TAOK1: variants seen among roughly 807,000 people sequenced by gnomAD.
The protein encoded by TAOK1 is TAO kinase 1, also known as serine/threonine-protein kinase TAO1.
Under a neutral mutation model 138.3 loss-of-function variants are expected in TAOK1, and 21 were observed. That is an observed-to-expected ratio of 0.15 (90% CI 0.11 to 0.22). The LOEUF (loss-of-function observed/expected upper bound fraction) is 0.22, where lower values mean the gene tolerates loss of function less well. Ranked by LOEUF, TAOK1 falls within the 10% of genes least tolerant of loss-of-function variation. TAOK1 has a pLI of 1.00. For synonymous variants in TAOK1, 361 were observed against 398.4 expected (o/e 0.91, Z 1.12); for missense variants, 651 against 1,227.7 (o/e 0.53, Z 7.02).
intron 17 of TAOK1, among the ~76,000 whole-genome samples, chr17:29,526,813 A>C (rs1420886212): frequency 8.8e-6 from 1 of 113,866 alleles, no homozygotes; most frequent in Non-Finnish European, 1.8e-5. Context: ...GGGAGATCTC[A>C]TCTCTTAAAA....
intron 18 of TAOK1, among the ~76,000 whole-genome samples, chr17:29,532,931 T>C (rs1357934516): frequency 4.3e-4 from 37 of 85,452 alleles, no homozygotes; most frequent in South Asian, 8.3e-4. Flanking sequence ...GCTGGCCGGG[T>C]GGGGGGCTGA....
intron 1 of TAOK1, among the ~76,000 whole-genome samples, chr17:29,395,823 AAT>A (rs1491389938): frequency 4.6e-5 from 4 of 86,736 alleles, no homozygotes; most frequent in African/African-American, 2.6e-4. Flanking sequence ...ACGTCTGGCT[AAT>A]TTTTTTTTTT....
intron 10 of TAOK1, among the ~76,000 whole-genome samples, chr17:29,495,057 A>G (rs1321580951): frequency 6.6e-6 from 1 of 152,154 alleles, no homozygotes; most frequent in African/African-American, 2.4e-5. Flanking sequence ...GCTAGTAATA[A>G]AAAAGTAATA....
At chr17:29,515,118 C>T (rs2031793078) in intron 15 of TAOK1, 1 of 149,712 alleles carries the variant, frequency 6.7e-6, no homozygotes, top group Non-Finnish European at 1.5e-5. Context: ...GTATGTAAAA[C>T]AATGTGGAAA....
intron 3 of TAOK1, among the ~76,000 whole-genome samples, chr17:29,471,276 C>CTTTTTTTTT (rs759764241): frequency 2.4e-5 from 2 of 81,846 alleles, no homozygotes; most frequent in Non-Finnish European, 4.4e-5. Flanking sequence ...TATTTTCTTT[C>CTTTTTTTTT]TTTTTTTTTT....
chr17:29,433,631 T>G (rs1463640160), intron 1 of TAOK1, among the ~76,000 whole-genome samples: 1 of 151,934 alleles, frequency 6.6e-6, no homozygotes, highest in African/African-American at 2.4e-5. Flanking sequence ...ATAGGGATAC[T>G]CCACAAGGCC....
At chr17:29,539,883 A>G (rs1408940356) in intron 19 of TAOK1, among the ~76,000 whole-genome samples, 3 of 152,214 alleles carry the variant, frequency 2.0e-5, no homozygotes, top group Non-Finnish European at 4.4e-5. Flanking sequence ...CTGTCTCGAA[A>G]AAAAGCAAAA....
At chr17:29,489,824 T>A (rs2031259136) in intron 9 of TAOK1, 67 bp downstream of exon 9, 9 of 1,177,036 alleles carry the variant, frequency 7.6e-6, no homozygotes, top group Non-Finnish European at 9.6e-6. Context: ...TAATCTGTTA[T>A]CAAAGTGATT....
chr17:29,460,485 C>G (rs926415246), intron 2 of TAOK1, among the ~76,000 whole-genome samples: 1 of 152,180 alleles, frequency 6.6e-6, no homozygotes, highest in Non-Finnish European at 1.5e-5. Flanking sequence ...CCACCACACC[C>G]GGCCTGTCAG....
chr17:29,414,703 C>T (rs535617667), intron 1 of TAOK1, among the ~76,000 whole-genome samples: 116 of 151,652 alleles, frequency 7.6e-4, no homozygotes, highest in African/African-American at 2.5e-3. Flanking sequence ...ACTACAAGCA[C>T]GCACCACCAT....
intron 10 of TAOK1, among the ~76,000 whole-genome samples, chr17:29,494,746 A>G (rs1157978526): frequency 6.6e-6 from 1 of 151,190 alleles, no homozygotes; most frequent in Non-Finnish European, 1.5e-5. Context: ...GAATGGTGTG[A>G]ACCCGGGAGG....
rs2030249701 is a variant in TAOK1 at position 29,451,940 on chromosome 17, G to A, written c.132+260G>A. 2.0e-5 allele frequency among the ~76,000 whole-genome samples: 3 copies of A among 152,116 alleles called. No homozygotes were observed. The South Asian group carries it at 6.2e-4, about 31-fold the overall frequency. On this transcript the variant is annotated intron_variant, in intron 2 of 19. Transcript: ENST00000261716. Reference sequence around the variant, plus strand: ...GAAAGAATATTATTTTGTGGGCCAGGCTTGGTGGCTCACGCCTGTAATCCT... The same window carrying A: ...GAAAGAATATTATTTTGTGGGCCAGACTTGGTGGCTCACGCCTGTAATCCT...
intron 1 of TAOK1, among the ~76,000 whole-genome samples, chr17:29,430,772 GTCTT>G (rs1405299165): frequency 2.6e-5 from 4 of 152,148 alleles, no homozygotes; most frequent in African/African-American, 7.2e-5. Context: ...AGGACTGAAG[GTCTT>G]TCTTCTGTAA....
At chr17:29,407,879 T>A (rs1905037121) in intron 1 of TAOK1, among the ~76,000 whole-genome samples, 1 of 151,938 alleles carries the variant, frequency 6.6e-6, no homozygotes, top group African/African-American at 2.4e-5. Context: ...TTGTTTAGTT[T>A]TGTTTCTGAG....
rs1361628730 is a variant in TAOK1 at position 29,551,453 on chromosome 17, A to G, written c.*8431A>G. The stretch of plus-strand genomic sequence containing the variant: ...GGGACTGATACTTTTTTGAGAGAGT[A>G]TCGTGTCGAAAGTGTGATGTTCTAC... On this transcript the variant is annotated 3_prime_UTR_variant, in exon 20 of 20. Coordinates refer to ENST00000261716, the MANE Select transcript of TAOK1 (RefSeq NM_020791.4). 6.6e-6 allele frequency: 1 copy of G among 152,218 alleles called. No individual in the cohort carries two copies. Among genetic ancestry groups the G allele is most frequent in the Non-Finnish European group, 1.5e-5 (1 of 68,032 alleles). The allele number at this position is 152,218 out of a possible 1,614,324, so 9.4% of individuals were successfully genotyped here.
chr17:29,485,267 T>C (rs1379596762), intron 8 of TAOK1, among the ~76,000 whole-genome samples: 1 of 152,192 alleles, frequency 6.6e-6, no homozygotes, highest in Non-Finnish European at 1.5e-5. Flanking sequence ...TTTACCATTT[T>C]TAATTACATA....
In TAOK1 at chr17:29,551,370, A is replaced by C. The variant is rs1160024880; in HGVS notation, c.*8348A>C. Reference sequence around the variant, plus strand: ...CAGCCTTCATCTTCTCATCTCCCAAACCCCCTGAGCCCGTAGGGTTTTCAT... The same window carrying C: ...CAGCCTTCATCTTCTCATCTCCCAACCCCCCTGAGCCCGTAGGGTTTTCAT... On this transcript the variant is annotated 3_prime_UTR_variant, in exon 20 of 20. Transcript: ENST00000261716. The C allele has an allele frequency of 6.6e-6, 1 of 151,562 alleles. No individual in the cohort carries two copies. Among genetic ancestry groups the C allele is most frequent in the African/African-American group, 2.4e-5 (1 of 41,190 alleles). The allele number at this position is 151,562 out of a possible 1,614,324, so 9.4% of individuals were successfully genotyped here. A position where few individuals can be genotyped will look rare whatever the true frequency, so the allele number is the denominator to read the frequency against.
In TAOK1 at chr17:29,543,099, T is replaced by C; in HGVS notation, c.*77T>C. On this transcript the variant is annotated 3_prime_UTR_variant, in exon 20 of 20. Transcript: ENST00000261716. The stretch of plus-strand genomic sequence containing the variant: ...GCCTACAGACATCATCACAGCAGCC[T>C]CCTCACTTGGGTACTACAGTGTGGA... 7.8e-7 allele frequency: 1 copy of C among 1,282,232 alleles called. No homozygotes were observed. The highest frequency in any genetic ancestry group is 1.5e-5 in the South Asian group (1 of 66,338). 79.4% of individuals were successfully genotyped at this position (1,282,232 alleles called of 1,614,324 possible).
At chr17:29,531,773 A>AT (rs1487559702) in intron 18 of TAOK1, among the ~76,000 whole-genome samples, 1 of 137,680 alleles carries the variant, frequency 7.3e-6, no homozygotes, top group Non-Finnish European at 1.7e-5. Flanking sequence ...AGAAAAAAAA[A>AT]AACAGGGCCA....
Sources: gnomAD v4.1 joint callset for allele counts (sites outside exome capture counted in the v4.1 genomes callset) on GRCh38, gnomAD v4.1.1 for gene constraint, MANE v1.5 for transcripts, NCBI Gene and HGNC (gene_info 2026-07-23, HGNC 2026-07-21) for gene names.